Variants in TEAD1 observed in about 807,000 individuals in gnomAD.
The protein encoded by TEAD1 is TEA domain transcription factor 1.
In TEAD1, 9 loss-of-function variants were observed where a neutral mutation model predicts 54.9. The observed-to-expected ratio is 0.16, with a 90% CI of 0.10 to 0.29. The LOEUF is 0.29. Ranked by LOEUF, TEAD1 falls within the 10% of genes least tolerant of loss-of-function variation. The probability of loss-of-function intolerance (pLI) is 1.00; values close to 1 mark genes in which losing one functional copy is unlikely to be tolerated. For synonymous variants in TEAD1, 200 were observed against 187.8 expected (o/e 1.07, Z -0.53); for missense variants, 387 against 535.9 (o/e 0.72, Z 2.74).
At chr11:12,723,473 A>G (rs1406268227) in intron 2 of TEAD1, among the ~76,000 whole-genome samples, 1 of 152,206 alleles carries the variant, frequency 6.6e-6, no homozygotes, top group Admixed American at 6.5e-5. Context: ...TGTAAAATAA[A>G]TACTTTGGAC....
intron 3 of TEAD1, among the ~76,000 whole-genome samples, chr11:12,851,661 A>C (rs1028823172): frequency 6.6e-6 from 1 of 152,032 alleles, no homozygotes; most frequent in Non-Finnish European, 1.5e-5. Context: ...TTAGCCAGAC[A>C]TGGTGGCGGG....
At chr11:12,697,995 C>G (rs1016056873) in intron 2 of TEAD1, among the ~76,000 whole-genome samples, 4 of 150,938 alleles carry the variant, frequency 2.7e-5, no homozygotes, top group African/African-American at 9.8e-5. Context: ...TGCACTCCAG[C>G]CTGGGCAACA....
chr11:12,768,617 A>G (rs554360129), intron 3 of TEAD1, among the ~76,000 whole-genome samples: 18 of 152,196 alleles, frequency 1.2e-4, no homozygotes, highest in Non-Finnish European at 2.2e-4. Flanking sequence ...TACATCTTGG[A>G]CTTTTCTACT....
At chr11:12,678,085 A>G (rs1222114240) in intron 2 of TEAD1, among the ~76,000 whole-genome samples, 1 of 152,214 alleles carries the variant, frequency 6.6e-6, no homozygotes, top group Non-Finnish European at 1.5e-5. Context: ...AAGGGAAAAT[A>G]AATAAATATG....
chr11:12,690,016 G>A (rs942089730), intron 2 of TEAD1, among the ~76,000 whole-genome samples: 4 of 151,904 alleles, frequency 2.6e-5, no homozygotes, highest in African/African-American at 7.3e-5. Context: ...CGAGGTGGGC[G>A]GATCATGAGG....
intron 2 of TEAD1, among the ~76,000 whole-genome samples, chr11:12,763,402 G>T (rs1945139205): frequency 6.6e-6 from 1 of 152,240 alleles, no homozygotes; most frequent in Admixed American, 6.5e-5. Flanking sequence ...TTGCAGGGAA[G>T]TCAGGACTGG....
At chr11:12,785,360 G>A (rs1349505667) in intron 3 of TEAD1, among the ~76,000 whole-genome samples, 1 of 152,180 alleles carries the variant, frequency 6.6e-6, no homozygotes, top group African/African-American at 2.4e-5. Context: ...CAGCTTGGTT[G>A]CAGCTGCTCC....
At chr11:12,909,871 T>C (rs933488998) in intron 10 of TEAD1, among the ~76,000 whole-genome samples, 8 of 152,184 alleles carry the variant, frequency 5.3e-5, no homozygotes, top group African/African-American at 1.9e-4. Flanking sequence ...GGCATTGAAA[T>C]TGTTATTATG....
intron 2 of TEAD1, among the ~76,000 whole-genome samples, chr11:12,698,512 G>GT (rs77396552): frequency 0.02 from 2,879 of 144,512 alleles, 76 homozygotes; most frequent in African/African-American, 0.063. Context: ...CTTAAAGAGG[G>GT]TTTTTTTTTT....
chr11:12,684,314 A>G (rs1943287460), intron 2 of TEAD1, among the ~76,000 whole-genome samples: 1 of 152,260 alleles, frequency 6.6e-6, no homozygotes, highest in Non-Finnish European at 1.5e-5. Flanking sequence ...AAAACTGGAT[A>G]GCATGGTGCA....
chr11:12,880,567 C>G (rs570718628), intron 6 of TEAD1, among the ~76,000 whole-genome samples: 2 of 152,318 alleles, frequency 1.3e-5, no homozygotes, highest in African/African-American at 4.8e-5. Context: ...CCTGCATTGC[C>G]GCTTGGAGCT....
chr11:12,872,739 T>C (rs1443436382), intron 5 of TEAD1, among the ~76,000 whole-genome samples: 1 of 152,204 alleles, frequency 6.6e-6, no homozygotes, highest in African/African-American at 2.4e-5. Context: ...GCCTCCAACT[T>C]AGATAATGCC....
intron 11 of TEAD1, among the ~76,000 whole-genome samples, chr11:12,925,834 T>C (rs1948895599): frequency 6.6e-6 from 1 of 152,244 alleles, no homozygotes; most frequent in Admixed American, 6.5e-5. Context: ...GATTGGCACC[T>C]GCCCTCTGAA....
At chr11:12,880,863 G>A (rs1947951614) in intron 6 of TEAD1, 142 bp from the exon 7 acceptor site, 1 of 924,702 alleles carries the variant, frequency 1.1e-6, no homozygotes, top group Non-Finnish European at 1.8e-6. Context: ...TGCAAGTGGT[G>A]ACCGCATTTG....
chr11:12,877,185 T>G (rs781413492), intron 5 of TEAD1, among the ~76,000 whole-genome samples: 3 of 152,196 alleles, frequency 2.0e-5, no homozygotes, highest in Non-Finnish European at 4.4e-5. Flanking sequence ...TCTGAGTCAC[T>G]CTGGCCGTTC....
chr11:12,807,841 G>A (rs1946209565), intron 3 of TEAD1, among the ~76,000 whole-genome samples: 1 of 152,210 alleles, frequency 6.6e-6, no homozygotes, highest in Admixed American at 6.5e-5. Flanking sequence ...GACAGGTACT[G>A]AGAGTTGCAC....
intron 12 of TEAD1, among the ~76,000 whole-genome samples, chr11:12,935,422 A>T (rs1312922198): frequency 6.6e-6 from 1 of 151,836 alleles, no homozygotes; most frequent in African/African-American, 2.4e-5. Flanking sequence ...TTCTGATGTG[A>T]ATTTTCATTC....
At position 12,944,159 on chromosome 11, in the gene TEAD1, T is replaced by C. The variant is rs560381405; in HGVS notation, c.*6937T>C. 2 of 152,668 alleles carry C rather than the reference T, an allele frequency of 1.3e-5. No homozygotes were observed. Among genetic ancestry groups the C allele is most frequent in the Non-Finnish European group, 2.9e-5 (2 of 68,050 alleles). 9.5% of individuals were successfully genotyped at this position (152,668 alleles called of 1,614,324 possible). ...CATCTGGTCAGTGGTTCCTTTGATA[T>C]TGTACTGCTGCTGGGAGTGGGCTGT... On this transcript the variant is annotated 3_prime_UTR_variant, in exon 13 of 13. Transcript: ENST00000527636.
In TEAD1 at chr11:12,805,431, A is replaced by G. The variant is rs181916527; in HGVS notation, c.202+40997A>G. On this transcript the variant is annotated intron_variant, in intron 3 of 12. Transcript: ENST00000527636. ...TTCAATTCACTGTGGTTGTTATGTC[A>G]TAATTATATATTGTGGATGTCTAAT... is the stretch of plus-strand genomic sequence containing the variant. Among the ~76,000 whole-genome samples the G allele has an allele frequency of 2.1e-3, 323 of 152,318 alleles. 1 individual carries two copies. The highest frequency in any genetic ancestry group is 3.0e-3 in the Non-Finnish European group (205 of 68,016).
Sources: gnomAD v4.1 joint callset for allele counts (sites outside exome capture counted in the v4.1 genomes callset) on GRCh38, gnomAD v4.1.1 for gene constraint, MANE v1.5 for transcripts, NCBI Gene and HGNC (gene_info 2026-07-23, HGNC 2026-07-21) for gene names.